The following CSMD1 variants were observed in gnomAD, a reference collection of about 807,000 sequenced individuals.
CSMD1 encodes the protein CUB and sushi domain-containing protein 1.
CSMD1 carries 213 observed loss-of-function variants against 417.5 expected under a neutral mutation model. The ratio of observed to expected loss-of-function variants is 0.51; its 90% CI spans 0.46 to 0.57. The LOEUF (loss-of-function observed/expected upper bound fraction) is 0.57, where lower values mean the gene tolerates loss of function less well. Among genes scored for constraint, CSMD1 ranks in the 20% least tolerant of loss-of-function variants. CSMD1 has a pLI of 0.00. For missense variants in CSMD1, 6,923 were observed against 4,529.7 expected (o/e 1.53, Z -15.17); for synonymous variants, 2,862 against 1,736.8 (o/e 1.65, Z -16.11).
intron 5 of CSMD1, among the ~76,000 whole-genome samples, chr8:3,865,103 C>T (rs1300595262): frequency 1.3e-5 from 2 of 152,208 alleles, no homozygotes; most frequent in Non-Finnish European, 2.9e-5. Flanking sequence ...ACTCCACACA[C>T]TATTCTGGCC....
chr8:4,933,384 T>C (rs55954302), intron 1 of CSMD1, among the ~76,000 whole-genome samples: 5,220 of 152,298 alleles, frequency 0.034, 279 homozygotes, highest in African/African-American at 0.12. Context: ...TGCTTCCTCC[T>C]CGCCATCTGA....
intron 3 of CSMD1, among the ~76,000 whole-genome samples, chr8:4,159,885 C>A (rs536651867): frequency 1.3e-5 from 2 of 152,024 alleles, no homozygotes; most frequent in Non-Finnish European, 2.9e-5. Flanking sequence ...TGCGAGCTAG[C>A]CTATGAGGAT....
intron 3 of CSMD1, among the ~76,000 whole-genome samples, chr8:4,386,529 A>ATTT (rs1803467520): frequency 6.6e-6 from 1 of 152,238 alleles, no homozygotes; most frequent in Non-Finnish European, 1.5e-5. Context: ...TCTAACTCTA[A>ATTT]AGAGGAACTT....
chr8:4,065,295 C>A (rs965089705), intron 3 of CSMD1, among the ~76,000 whole-genome samples: 1 of 152,170 alleles, frequency 6.6e-6, no homozygotes, highest in Non-Finnish European at 1.5e-5. Flanking sequence ...TTCCCCATCC[C>A]CCTCAGTAGC....
In CSMD1 at chr8:3,108,480, A is replaced by G. The variant is rs891792275; in HGVS notation, c.6754+123T>C. 3.1e-6 allele frequency: 3 copies of G among 978,790 alleles called. No individual in the cohort carries two copies. The African/African-American group carries it at 4.9e-5, about 16-fold the overall frequency. The allele number at this position is 978,790 out of a possible 1,614,324, so 60.6% of individuals were successfully genotyped here. Reference sequence around the variant, plus strand: ...CAGGAAACGCTGGCCTCCAGTGCAAAAGAATCATACACGCCCTCGGCTGAA... The same window carrying G: ...CAGGAAACGCTGGCCTCCAGTGCAAGAGAATCATACACGCCCTCGGCTGAA... On this transcript the variant is annotated intron_variant, in intron 44 of 69. Coordinates refer to ENST00000635120, the MANE Select transcript of CSMD1 (RefSeq NM_033225.6).
chr8:3,842,008 C>A (rs146579227), intron 5 of CSMD1, among the ~76,000 whole-genome samples: 2 of 152,170 alleles, frequency 1.3e-5, no homozygotes, highest in Admixed American at 6.5e-5. Flanking sequence ...ATTTGTATAT[C>A]GAGTTAAAAG....
chr8:3,983,067 T>C (rs1388822470), intron 5 of CSMD1, among the ~76,000 whole-genome samples: 1 of 151,916 alleles, frequency 6.6e-6, no homozygotes, highest in Non-Finnish European at 1.5e-5. Flanking sequence ...GCTGACTCTT[T>C]TCCCCAGGAG....
At chr8:3,680,349 G>C (rs192175724) in intron 7 of CSMD1, among the ~76,000 whole-genome samples, 2 of 152,120 alleles carry the variant, frequency 1.3e-5, no homozygotes, top group African/African-American at 4.8e-5. Context: ...AAATGACAAA[G>C]GGTATATCAC....
intron 2 of CSMD1, among the ~76,000 whole-genome samples, chr8:4,582,455 G>A (rs574391774): frequency 2.0e-5 from 3 of 152,256 alleles, no homozygotes; most frequent in East Asian, 1.9e-4. Flanking sequence ...ACAGAGTGGT[G>A]AGCCCAATAC....
At chr8:4,481,126 C>G (rs932263873) in intron 2 of CSMD1, among the ~76,000 whole-genome samples, 3 of 152,216 alleles carry the variant, frequency 2.0e-5, no homozygotes, top group Non-Finnish European at 2.9e-5. Flanking sequence ...CAATGAGCAT[C>G]TCAAGGCTTG....
At chr8:3,363,076 G>C (rs1809304098) in intron 20 of CSMD1, among the ~76,000 whole-genome samples, 2 of 152,150 alleles carry the variant, frequency 1.3e-5, no homozygotes, top group Admixed American at 1.3e-4. Flanking sequence ...TCAGGGGTCT[G>C]GCCACAGTGC....
chr8:3,643,249 C>G (rs949490358), intron 7 of CSMD1, among the ~76,000 whole-genome samples: 3 of 151,376 alleles, frequency 2.0e-5, no homozygotes, highest in Admixed American at 6.6e-5. Context: ...AGAACAAAGA[C>G]AAAGAGAAGA....
chr8:4,163,678 A>T (rs1797292601), intron 3 of CSMD1, among the ~76,000 whole-genome samples: 1 of 152,188 alleles, frequency 6.6e-6, no homozygotes, highest in African/African-American at 2.4e-5. Context: ...TTAAAACAAG[A>T]AGTAACATAT....
intron 5 of CSMD1, among the ~76,000 whole-genome samples, chr8:3,918,561 A>G (rs1006307846): frequency 6.6e-6 from 1 of 152,018 alleles, no homozygotes; most frequent in African/African-American, 2.4e-5. Context: ...AAGTATATGC[A>G]TTTCTTATAT....
At chr8:3,531,160 C>T (rs1797964230) in intron 10 of CSMD1, among the ~76,000 whole-genome samples, 1 of 152,064 alleles carries the variant, frequency 6.6e-6, no homozygotes, top group Admixed American at 6.6e-5. Flanking sequence ...CACACCTGGC[C>T]CATACTACTT....
At chr8:4,032,170 A>T in intron 3 of CSMD1, 71 bp from the exon 4 acceptor site, 1 of 1,085,892 alleles carries the variant, frequency 9.2e-7, no homozygotes. Flanking sequence ...ATAAGATAAA[A>T]CAGACACCAT....
At chr8:3,705,181 C>A (rs143427257) in intron 7 of CSMD1, among the ~76,000 whole-genome samples, 1 of 152,294 alleles carries the variant, frequency 6.6e-6, no homozygotes, top group East Asian at 1.9e-4. Context: ...GGAGTCGCCA[C>A]TGAGCTGTGG....
intron 10 of CSMD1, among the ~76,000 whole-genome samples, chr8:3,495,465 T>A (rs1354647671): frequency 1.3e-5 from 2 of 152,208 alleles, no homozygotes; most frequent in Non-Finnish European, 2.9e-5. Flanking sequence ...AGGGCCATTC[T>A]GTAATTATTT....
intron 3 of CSMD1, among the ~76,000 whole-genome samples, chr8:4,352,001 G>T (rs1043144461): frequency 3.3e-5 from 5 of 150,190 alleles, no homozygotes; most frequent in Non-Finnish European, 5.9e-5. Flanking sequence ...CACGGGTATG[G>T]AATTGACTAA....
Sources: allele counts gnomAD v4.1 joint callset (sites outside exome capture counted in the v4.1 genomes callset), GRCh38; gene constraint gnomAD v4.1.1; transcripts MANE v1.5; gene names NCBI Gene and HGNC (gene_info 2026-07-23, HGNC 2026-07-21).